Variants in MSN observed in about 807,000 individuals in gnomAD.
MSN encodes the protein moesin, also known as epididymis luminal protein 70.
A neutral mutation model predicts 48.0 loss-of-function variants in MSN; 2 were observed. The observed-to-expected ratio is 0.04, with a 90% CI of 0.02 to 0.13. The LOEUF (loss-of-function observed/expected upper bound fraction) is 0.13, where lower values mean the gene tolerates loss of function less well. Among genes scored for constraint, MSN ranks in the 10% least tolerant of loss-of-function variants. MSN has a pLI of 1.00. For synonymous variants in MSN, 146 were observed against 166.9 expected (o/e 0.87, Z 0.97); for missense variants, 267 against 470.1 (o/e 0.57, Z 3.99).
intron 1 of MSN, among the ~76,000 whole-genome samples, chrX:65,647,355 G>T (rs1439384743): frequency 9.1e-6 from 1 of 110,262 alleles, no homozygotes; most frequent in Non-Finnish European, 1.9e-5. Context: ...GGGATTACAG[G>T]TGCCTGCCAC....
At chrX:65,684,027 G>A (rs1002685201) in intron 1 of MSN, among the ~76,000 whole-genome samples, 5 of 102,182 alleles carry the variant, frequency 4.9e-5, no homozygotes, top group East Asian at 3.1e-4. Context: ...TGCAACCTCC[G>A]CCTCCCAGGT....
intron 1 of MSN, among the ~76,000 whole-genome samples, chrX:65,690,273 A>C (rs931936226): frequency 6.3e-5 from 7 of 111,925 alleles, no homozygotes; most frequent in African/African-American, 2.3e-4. Flanking sequence ...GCCTGTGCCC[A>C]TGTCAATATG....
At chrX:65,695,858 C>G (rs1490805447) in intron 1 of MSN, among the ~76,000 whole-genome samples, 1 of 85,203 alleles carries the variant, frequency 1.2e-5, no homozygotes, top group Non-Finnish European at 1.9e-5. Context: ...GGAAAGGAGA[C>G]ACTGATATTT....
At chrX:65,614,526 G>GT (rs2070349204) in intron 1 of MSN, among the ~76,000 whole-genome samples, 1 of 107,946 alleles carries the variant, frequency 9.3e-6, no homozygotes, top group Non-Finnish European at 1.9e-5. Context: ...TTTTCCCTTT[G>GT]TTGTGTCCTC....
chrX:65,606,028 G>A (rs925363885), intron 1 of MSN, among the ~76,000 whole-genome samples: 2 of 109,963 alleles, frequency 1.8e-5, no homozygotes. Context: ...CTGCAGCCTT[G>A]ACCTCCCAGG....
At chrX:65,612,841 C>G (rs2070331951) in intron 1 of MSN, among the ~76,000 whole-genome samples, 1 of 102,458 alleles carries the variant, frequency 9.8e-6, no homozygotes, top group Non-Finnish European at 1.9e-5. Context: ...GCCACTGCAC[C>G]CGAACCATGG....
chrX:65,615,201 G>C (rs1287077411), intron 1 of MSN, among the ~76,000 whole-genome samples: 2 of 109,795 alleles, frequency 1.8e-5, no homozygotes, highest in African/African-American at 6.7e-5. Context: ...ATGATTTATA[G>C]TCCTTTGGGT....
intron 1 of MSN, among the ~76,000 whole-genome samples, chrX:65,642,940 C>G: frequency 1.8e-5 from 2 of 110,751 alleles, no homozygotes; most frequent in Non-Finnish European, 3.8e-5. Flanking sequence ...GCTTCCCACC[C>G]CTATCCCCTC....
chrX:65,734,352 C>T (rs1228787843), intron 7 of MSN, among the ~76,000 whole-genome samples: 1 of 111,804 alleles, frequency 8.9e-6, no homozygotes, highest in African/African-American at 3.3e-5. Context: ...CATGTTGTCT[C>T]CTTAAACCCT....
At chrX:65,671,114 G>C (rs761152626) in intron 1 of MSN, among the ~76,000 whole-genome samples, 1 of 105,860 alleles carries the variant, frequency 9.4e-6, no homozygotes, top group Non-Finnish European at 1.9e-5. Context: ...TTAGATGTTA[G>C]TATTGAAAAG....
At chrX:65,588,468 A>T in exon 1 of MSN, 4 of 621,973 alleles carry the variant, frequency 6.4e-6, no homozygotes, top group Non-Finnish European at 8.0e-6. Context: ...CTGGGGCCTG[A>T]GATCTCTCCA....
At chrX:65,688,764 C>T (rs2071143678) in intron 1 of MSN, among the ~76,000 whole-genome samples, 1 of 111,998 alleles carries the variant, frequency 8.9e-6, no homozygotes, top group Admixed American at 9.5e-5. Flanking sequence ...ATATTTGTGT[C>T]CTGCCTACTT....
chrX:65,709,231 C>T (rs768264657), intron 1 of MSN, among the ~76,000 whole-genome samples: 76 of 111,849 alleles, frequency 6.8e-4, no homozygotes, highest in Admixed American at 1.6e-3. Flanking sequence ...TCTGAGAAAC[C>T]TCCATACTGT....
intron 2 of MSN, among the ~76,000 whole-genome samples, chrX:65,721,555 C>CT (rs2071516731): frequency 9.1e-6 from 1 of 109,476 alleles, no homozygotes; most frequent in Non-Finnish European, 1.9e-5. Flanking sequence ...GGACAGTAAA[C>CT]CTTTTTTTTT....
At chrX:65,622,510 G>GT (rs1216557190) in intron 1 of MSN, among the ~76,000 whole-genome samples, 2,673 of 66,331 alleles carry the variant, frequency 0.04, 95 homozygotes, top group African/African-American at 0.058. Flanking sequence ...AGGCATCTTT[G>GT]TTTTTTTTTT....
rs778756629 is a variant in MSN, at chrX:65,624,515, T to A, written c.-22+35903T>A. On this transcript the variant is annotated intron_variant, in intron 1 of 3. Coordinates refer to the MSN transcript ENST00000609672. ...GTTTTTCTATTCTCCATTTTGTTTA[T>A]CTCCACTCTAATGTTTATTATTTCC... 234 of 109,617 alleles carry A rather than the reference T, an allele frequency of 2.1e-3. 10 individuals are homozygous for A. The highest frequency in any genetic ancestry group is 7.7e-3 in the African/African-American group (230 of 29,701). The allele number at this position is 109,617 out of a possible 1,213,427, so 9.0% of individuals were successfully genotyped here.
In MSN at chrX:65,648,868, T is replaced by TTAAAA. The variant is rs1187360767; in HGVS notation, c.-22+60276_-22+60280dup. Among the ~76,000 whole-genome samples, 112 of 104,928 alleles carry TTAAAA rather than the reference T, an allele frequency of 1.1e-3. 2 individuals carry two copies. Among genetic ancestry groups the TTAAAA allele is most frequent in the African/African-American group, 3.7e-3 (107 of 28,625 alleles). The allele number at this position is 104,928 out of a possible 115,157, so 91.1% of individuals were successfully genotyped here. A position where few individuals can be genotyped will look rare whatever the true frequency, so the allele number is the denominator to read the frequency against. On this transcript the variant is annotated intron_variant, in intron 1 of 3. Transcript: ENST00000609672. ...ACAGTGTGAGCCTCCATCTCAAAGA[T>TTAAAA]TAAAATAAAATAAAATAAAATAAAT... is the stretch of plus-strand genomic sequence containing the variant.
intron 7 of MSN, among the ~76,000 whole-genome samples, chrX:65,733,661 ATTCC>A (rs1182761784): frequency 9.1e-6 from 1 of 110,202 alleles, no homozygotes; most frequent in African/African-American, 3.3e-5. Context: ...CACATATTTG[ATTCC>A]TTCCTTCCTT....
intron 1 of MSN, among the ~76,000 whole-genome samples, chrX:65,648,310 T>TG (rs2070710525): frequency 8.9e-6 from 1 of 111,737 alleles, no homozygotes; most frequent in African/African-American, 3.3e-5. Flanking sequence ...CCCAGCACTT[T>TG]GGGAGGCCGA....
Sources: allele counts gnomAD v4.1 joint callset (sites outside exome capture counted in the v4.1 genomes callset), GRCh38; gene constraint gnomAD v4.1.1; transcripts MANE v1.5; gene names NCBI Gene and HGNC (gene_info 2026-07-23, HGNC 2026-07-21).